SPRR2G: variants seen among roughly 807,000 people sequenced by gnomAD.
SPRR2G encodes small proline rich protein 2G.
In SPRR2G, 1 loss-of-function variant was observed where a neutral mutation model predicts 0.7. That is an observed-to-expected ratio of 1.49 (90% CI 0.53 to 7.06). The LOEUF (loss-of-function observed/expected upper bound fraction) is 7.06, where lower values mean the gene tolerates loss of function less well. SPRR2G is among the 30% of genes most tolerant of loss of function. The pLI, the probability that SPRR2G is intolerant of heterozygous loss-of-function variation, is 0.14. For synonymous variants in SPRR2G, 38 were observed against 33.9 expected, an observed-to-expected ratio of 1.12 and a Z score of -0.42; for missense variants, 96 against 88.5, an observed-to-expected ratio of 1.09 and a Z score of -0.34.
At chr1:153,171,320 A>G in the SPRR2G span, among the ~76,000 whole-genome samples, 2 of 152,202 alleles carry the variant, frequency 1.3e-5, no homozygotes, top group Admixed American at 6.5e-5. Flanking sequence ...AAGAGAGTAA[A>G]TAACAATTAC....
the SPRR2G span, among the ~76,000 whole-genome samples, chr1:153,201,796 C>T: frequency 6.6e-6 from 1 of 152,196 alleles, no homozygotes; most frequent in African/African-American, 2.4e-5. Context: ...TCAATAAACA[C>T]TTGTTAAACT....
chr1:153,153,406 A>T (rs938077116), upstream of SPRR2G, among the ~76,000 whole-genome samples: 1 of 152,168 alleles, frequency 6.6e-6, no homozygotes, highest in African/African-American at 2.4e-5. Context: ...ACATTTCTGC[A>T]ATTTTCAGTT....
At chr1:153,181,782 TTA>T in the SPRR2G span, among the ~76,000 whole-genome samples, 12 of 149,556 alleles carry the variant, frequency 8.0e-5, no homozygotes, top group African/African-American at 9.8e-5. Context: ...TGGTATTCCA[TTA>T]TATATATATA....
the SPRR2G span, among the ~76,000 whole-genome samples, chr1:153,198,628 T>C: frequency 6.6e-6 from 1 of 152,100 alleles, no homozygotes; most frequent in African/African-American, 2.4e-5. Flanking sequence ...CCCAGGTTTC[T>C]TGTTAAGTCT....
intron 1 of SPRR2G, 62 bp downstream of exon 1, chr1:153,150,790 G>A (rs914133540): frequency 2.6e-5 from 4 of 154,972 alleles, no homozygotes; most frequent in African/African-American, 4.8e-5. Flanking sequence ...AGGCATTTCT[G>A]TACCCAGGTT....
the SPRR2G span, among the ~76,000 whole-genome samples, chr1:153,192,492 G>A: frequency 6.6e-6 from 1 of 152,158 alleles, no homozygotes; most frequent in Non-Finnish European, 1.5e-5. Flanking sequence ...GGAGATGGAA[G>A]AGAAAGGATA....
chr1:153,173,790 G>A, the SPRR2G span, among the ~76,000 whole-genome samples: 1 of 152,162 alleles, frequency 6.6e-6, no homozygotes, highest in Non-Finnish European at 1.5e-5. Flanking sequence ...CCATGGGGTT[G>A]GAGGTGGCAA....
the SPRR2G span, among the ~76,000 whole-genome samples, chr1:153,177,788 G>A: frequency 6.6e-6 from 1 of 151,598 alleles, no homozygotes; most frequent in Non-Finnish European, 1.5e-5. Context: ...CTACAACTTT[G>A]TTATTTTCCA....
chr1:153,167,033 C>A, the SPRR2G span, among the ~76,000 whole-genome samples: 1 of 152,102 alleles, frequency 6.6e-6, no homozygotes, highest in Non-Finnish European at 1.5e-5. Flanking sequence ...TCAGAATGGA[C>A]CCTGATGCAA....
upstream of SPRR2G, among the ~76,000 whole-genome samples, chr1:153,153,462 T>C (rs1006054301): frequency 6.6e-6 from 1 of 152,144 alleles, no homozygotes; most frequent in African/African-American, 2.4e-5. Context: ...GACGGACATT[T>C]TTGTAAGGTG....
the SPRR2G span, among the ~76,000 whole-genome samples, chr1:153,185,651 T>A: frequency 5.9e-5 from 9 of 152,160 alleles, no homozygotes; most frequent in East Asian, 9.6e-4. Context: ...ATTTTGTTAA[T>A]CTTTTCAAAA....
chr1:153,201,774 A>G, the SPRR2G span, among the ~76,000 whole-genome samples: 2 of 152,224 alleles, frequency 1.3e-5, no homozygotes, highest in South Asian at 2.1e-4. Flanking sequence ...TCTTCAACTC[A>G]TGATCTTCTA....
the SPRR2G span, among the ~76,000 whole-genome samples, chr1:153,183,466 C>T: frequency 6.6e-6 from 1 of 152,130 alleles, no homozygotes; most frequent in East Asian, 1.9e-4. Context: ...TCTCTAATGT[C>T]CAGTGATGAT....
At chr1:153,172,976 A>G in the SPRR2G span, among the ~76,000 whole-genome samples, 9 of 152,222 alleles carry the variant, frequency 5.9e-5, no homozygotes, top group African/African-American at 1.9e-4. Context: ...ATATAATTCT[A>G]GAATTAACTT....
At chr1:153,189,018 A>G in the SPRR2G span, among the ~76,000 whole-genome samples, 2 of 152,162 alleles carry the variant, frequency 1.3e-5, no homozygotes, top group Admixed American at 1.3e-4. Context: ...TGAACCAGGT[A>G]CCTCAGTTGG....
chr1:153,179,594 T>C, the SPRR2G span, among the ~76,000 whole-genome samples: 2 of 152,122 alleles, frequency 1.3e-5, no homozygotes, highest in Non-Finnish European at 2.9e-5. Context: ...GAAATAATGA[T>C]AGTAGTCATA....
At chr1:153,179,126 G>GA in the SPRR2G span, among the ~76,000 whole-genome samples, 412 of 152,290 alleles carry the variant, frequency 2.7e-3, 1 homozygote, top group African/African-American at 8.7e-3. Flanking sequence ...GTCATAGGCT[G>GA]AAGCTGTAAT....
At chr1:153,181,964 T>C in the SPRR2G span, among the ~76,000 whole-genome samples, 1 of 152,084 alleles carries the variant, frequency 6.6e-6, no homozygotes, top group South Asian at 2.1e-4. Flanking sequence ...GATCACATGG[T>C]AGTTCTATTT....
the SPRR2G span, among the ~76,000 whole-genome samples, chr1:153,165,087 G>T: frequency 6.6e-6 from 1 of 152,104 alleles, no homozygotes; most frequent in Non-Finnish European, 1.5e-5. Context: ...GTTCTACCTG[G>T]CAGGAGCTGA....
Sources: gnomAD v4.1 joint callset for allele counts (sites outside exome capture counted in the v4.1 genomes callset) on GRCh38, gnomAD v4.1.1 for gene constraint, MANE v1.5 for transcripts, NCBI Gene and HGNC (gene_info 2026-07-23, HGNC 2026-07-21) for gene names.